ADGRL3: variants seen among roughly 807,000 people sequenced by gnomAD.
ADGRL3 encodes calcium-independent alpha-latrotoxin receptor 3.
ADGRL3 carries 62 observed loss-of-function variants against 153.5 expected under a neutral mutation model. That is an observed-to-expected ratio of 0.40 (90% CI 0.33 to 0.50). The LOEUF (loss-of-function observed/expected upper bound fraction) is 0.50. ADGRL3 is among the 20% of genes least tolerant of loss of function. ADGRL3 has a pLI of 0.47. For missense variants in ADGRL3, 1,641 were observed against 1,859.4 expected, an observed-to-expected ratio of 0.88 and a Z score of 2.16; for synonymous variants, 710 against 672.5, an observed-to-expected ratio of 1.06 and a Z score of -0.86.
intron 8 of ADGRL3, among the ~76,000 whole-genome samples, chr4:61,758,990 G>C (rs56305494): frequency 0.025 from 3,877 of 152,196 alleles, 107 homozygotes; most frequent in East Asian, 0.076. Flanking sequence ...TTTTCTTTAA[G>C]AATGTTGAAT....
chr4:61,962,321 A>G (rs984337988), intron 17 of ADGRL3, among the ~76,000 whole-genome samples: 2 of 152,178 alleles, frequency 1.3e-5, no homozygotes, highest in African/African-American at 4.8e-5. Context: ...TTTTAAGAAC[A>G]TTATTGTTAA....
At chr4:61,726,594 G>T (rs189454120) in intron 6 of ADGRL3, among the ~76,000 whole-genome samples, 1 of 152,032 alleles carries the variant, frequency 6.6e-6, no homozygotes, top group Non-Finnish European at 1.5e-5. Flanking sequence ...TAGGTAACTG[G>T]TTGTGATTTT....
At chr4:61,715,957 A>G (rs1254584157) in intron 6 of ADGRL3, among the ~76,000 whole-genome samples, 1 of 151,756 alleles carries the variant, frequency 6.6e-6, no homozygotes, top group Non-Finnish European at 1.5e-5. Flanking sequence ...TAAAAAAAAA[A>G]AAAAAAAAAA....
intron 13 of ADGRL3, among the ~76,000 whole-genome samples, chr4:61,916,146 T>C (rs771529217): frequency 6.6e-6 from 1 of 152,192 alleles, no homozygotes; most frequent in Non-Finnish European, 1.5e-5. Flanking sequence ...TGACCTGTAG[T>C]TGTACAATTA....
intron 21 of ADGRL3, among the ~76,000 whole-genome samples, chr4:62,023,702 T>C (rs777277818): frequency 6.6e-6 from 1 of 152,162 alleles, no homozygotes; most frequent in Non-Finnish European, 1.5e-5. Context: ...CCTCAGAATA[T>C]GGTAACTTTT....
intron 6 of ADGRL3, among the ~76,000 whole-genome samples, chr4:61,729,646 C>T (rs796593841): frequency 6.6e-6 from 1 of 151,854 alleles, no homozygotes; most frequent in East Asian, 1.9e-4. Context: ...CCCTGACATT[C>T]TCCTCTTTTT....
intron 5 of ADGRL3, among the ~76,000 whole-genome samples, chr4:61,656,027 C>T (rs575690015): frequency 2.7e-4 from 41 of 152,108 alleles, no homozygotes; most frequent in African/African-American, 9.6e-4. Context: ...TTACGTTTTC[C>T]CCAGTGGCTT....
intron 8 of ADGRL3, among the ~76,000 whole-genome samples, chr4:61,784,458 A>G (rs2097253916): frequency 6.6e-6 from 1 of 152,144 alleles, no homozygotes; most frequent in Admixed American, 6.5e-5. Context: ...TCACTTCACA[A>G]GATGCTGCAG....
chr4:61,456,856 A>T, intron 2 of ADGRL3, among the ~76,000 whole-genome samples: 1 of 152,114 alleles, frequency 6.6e-6, no homozygotes, highest in South Asian at 2.1e-4. Context: ...ATCAATTTTT[A>T]TTCTAAATTT....
At chr4:61,884,820 T>C (rs2149513483) in intron 9 of ADGRL3, among the ~76,000 whole-genome samples, 1 of 151,590 alleles carries the variant, frequency 6.6e-6, no homozygotes, top group East Asian at 2.0e-4. Flanking sequence ...AGACAGGTTT[T>C]TGCCGTGTTG....
intron 23 of ADGRL3, among the ~76,000 whole-genome samples, chr4:62,037,488 G>A (rs1471003490): frequency 6.6e-6 from 1 of 152,018 alleles, no homozygotes; most frequent in Non-Finnish European, 1.5e-5. Context: ...GGAGGTGTGT[G>A]AATGTGTGTG....
At chr4:61,701,011 A>G (rs1287359012) in intron 6 of ADGRL3, among the ~76,000 whole-genome samples, 1 of 152,210 alleles carries the variant, frequency 6.6e-6, no homozygotes, top group Admixed American at 6.5e-5. Context: ...ACAGAGTGAT[A>G]CCACAATACT....
chr4:61,212,803 T>C (rs998461786), intron 1 of ADGRL3, among the ~76,000 whole-genome samples: 4 of 152,216 alleles, frequency 2.6e-5, no homozygotes, highest in African/African-American at 9.6e-5. Context: ...TTGCAAATCC[T>C]CAAAGAAGAA....
At chr4:61,951,106 G>T (rs1581602021) in intron 17 of ADGRL3, among the ~76,000 whole-genome samples, 2 of 152,108 alleles carry the variant, frequency 1.3e-5, no homozygotes, top group East Asian at 3.9e-4. Context: ...CTTGAATCAG[G>T]ACAATGTGGA....
chr4:61,607,765 C>A (rs2099038274), intron 5 of ADGRL3, among the ~76,000 whole-genome samples: 1 of 152,198 alleles, frequency 6.6e-6, no homozygotes, highest in African/African-American at 2.4e-5. Context: ...TAATCCTAAT[C>A]TTGTGACTTT....
intron 6 of ADGRL3, among the ~76,000 whole-genome samples, chr4:61,726,216 T>TTTTTTTTTTTTTTTTTTTTTTTTG: frequency 6.7e-6 from 1 of 148,940 alleles, no homozygotes; most frequent in Non-Finnish European, 1.5e-5. Flanking sequence ...TTTTGTTTTT[T>TTTTTTTTTTTTTTTTTTTTTTTTG]GAGAAGGAGT....
At chr4:62,036,984 CT>C (rs1560536464) in intron 23 of ADGRL3, among the ~76,000 whole-genome samples, 1 of 151,988 alleles carries the variant, frequency 6.6e-6, no homozygotes, top group Admixed American at 6.6e-5. Context: ...TAAAACTCTT[CT>C]TTTTCCCTGT....
At chr4:61,456,390 GATATATCTATATCTATAT>G (rs1560664097) in intron 2 of ADGRL3, among the ~76,000 whole-genome samples, 1 of 99,174 alleles carries the variant, frequency 1.0e-5, no homozygotes, top group African/African-American at 3.9e-5. Flanking sequence ...TATATATATA[GATATATCTATATCTATAT>G]ATATATAGAT....
chr4:61,424,490 C>A (rs749976242), intron 2 of ADGRL3, among the ~76,000 whole-genome samples: 1 of 152,162 alleles, frequency 6.6e-6, no homozygotes, highest in Non-Finnish European at 1.5e-5. Context: ...CAGGGCCCAA[C>A]GTAGGCCAGA....
Sources: gnomAD v4.1 joint callset for allele counts (sites outside exome capture counted in the v4.1 genomes callset) on GRCh38, gnomAD v4.1.1 for gene constraint, MANE v1.5 for transcripts, NCBI Gene and HGNC (gene_info 2026-07-23, HGNC 2026-07-21) for gene names.